The following CHSY3 variants were observed in gnomAD, a reference collection of about 807,000 sequenced individuals.
The protein encoded by CHSY3 is chondroitin sulfate synthase 3, also known as N-acetylgalactosaminyl-proteoglycan 3-beta-glucuronosyltransferase 3.
CHSY3 carries 35 observed loss-of-function variants against 67.2 expected under a neutral mutation model. That is an observed-to-expected ratio of 0.52 (90% CI 0.40 to 0.69). The LOEUF is 0.69. Ranked by LOEUF, CHSY3 falls within the 30% of genes least tolerant of loss-of-function variation. The probability of loss-of-function intolerance (pLI) is 0.00; values close to 1 mark genes in which losing one functional copy is unlikely to be tolerated. For synonymous variants in CHSY3, 474 were observed against 434.7 expected (o/e 1.09, Z -1.12); for missense variants, 1,069 against 1,138.5 (o/e 0.94, Z 0.88).
chr5:130,030,050 T>C (rs1464934321), intron 2 of CHSY3, among the ~76,000 whole-genome samples: 4 of 152,158 alleles, frequency 2.6e-5, no homozygotes, highest in Non-Finnish European at 5.9e-5. Flanking sequence ...ATTAGTTTTC[T>C]GATTTTTAAT....
chr5:130,134,386 A>G (rs1294055227), intron 2 of CHSY3, among the ~76,000 whole-genome samples: 1 of 152,214 alleles, frequency 6.6e-6, no homozygotes, highest in Non-Finnish European at 1.5e-5. Context: ...GCACACAAAA[A>G]AAGTTTAGGA....
chr5:130,143,756 A>ATG lies in CHSY3; in HGVS notation c.1087-40461_1087-40460dup, dbSNP rs1172129222. 9.7e-4 allele frequency among the ~76,000 whole-genome samples: 99 copies of ATG among 101,910 alleles called. 1 individual carries two copies. Among genetic ancestry groups the ATG allele is most frequent in the East Asian group, 2.9e-3 (7 of 2,418 alleles). 66.9% of individuals were successfully genotyped at this position (101,910 alleles called of 152,430 possible). ...TGTGTATATATATATATATATATATATGTGTGTGTGTGTATATATATATAT... is the reference window on the plus strand; with the variant it reads ...TGTGTATATATATATATATATATATATGTGTGTGTGTGTGTATATATATATAT... On this transcript the variant is annotated intron_variant, in intron 2 of 2. Transcript: ENST00000305031.
chr5:129,995,775 C>T (rs1763521047), intron 2 of CHSY3, among the ~76,000 whole-genome samples: 1 of 151,944 alleles, frequency 6.6e-6, no homozygotes, highest in South Asian at 2.1e-4. Flanking sequence ...ATACCTTAAA[C>T]AAAAAAGTAA....
chr5:129,991,954 T>C (rs897415762), intron 2 of CHSY3, among the ~76,000 whole-genome samples: 2 of 152,218 alleles, frequency 1.3e-5, no homozygotes, highest in African/African-American at 2.4e-5. Flanking sequence ...TTATAGTTTA[T>C]GGATAGGCTC....
intron 2 of CHSY3, among the ~76,000 whole-genome samples, chr5:130,050,696 G>T (rs1396859257): frequency 6.6e-6 from 1 of 152,046 alleles, no homozygotes; most frequent in Non-Finnish European, 1.5e-5. Context: ...ACCTGTCTTA[G>T]CCATCAAGGA....
At chr5:130,020,438 T>A (rs1162993796) in intron 2 of CHSY3, among the ~76,000 whole-genome samples, 4 of 4,092 alleles carry the variant, frequency 9.8e-4, no homozygotes, top group African/African-American at 2.7e-3. Flanking sequence ...TATATATATA[T>A]ATATATATAT....
chr5:129,997,925 T>C (rs911207375), intron 2 of CHSY3, among the ~76,000 whole-genome samples: 2 of 152,184 alleles, frequency 1.3e-5, no homozygotes, highest in African/African-American at 4.8e-5. Flanking sequence ...GACATTTGGG[T>C]TGGTTCCAAG....
intron 2 of CHSY3, among the ~76,000 whole-genome samples, chr5:129,999,923 CT>C (rs1018829281): frequency 2.0e-5 from 3 of 152,062 alleles, no homozygotes; most frequent in Non-Finnish European, 4.4e-5. Flanking sequence ...TAGAAACCCC[CT>C]ATTCTTCCTT....
chr5:130,023,646 G>A lies in CHSY3; in HGVS notation c.1086+115286G>A, dbSNP rs116575801. Reference sequence around the variant, plus strand: ...TTTACAGTTTTTCAGTAAAATGTGCGTAAGAAGTAAATAAAGAATACTGAA... The same window carrying A: ...TTTACAGTTTTTCAGTAAAATGTGCATAAGAAGTAAATAAAGAATACTGAA... On this transcript the variant is annotated intron_variant, in intron 2 of 2. Coordinates refer to ENST00000305031, the MANE Select transcript of CHSY3 (RefSeq NM_175856.5). 8.9e-3 allele frequency among the ~76,000 whole-genome samples: 1,358 copies of A among 152,058 alleles called. 14 individuals carry two copies. The highest frequency in any genetic ancestry group is 0.03 in the African/African-American group (1,257 of 41,512).
chr5:130,132,909 T>A (rs1768528735), intron 2 of CHSY3, among the ~76,000 whole-genome samples: 1 of 152,178 alleles, frequency 6.6e-6, no homozygotes, highest in Non-Finnish European at 1.5e-5. Context: ...ACCCTAACAC[T>A]GGCCTCACAA....
Position 130,186,236 on chromosome 5 carries a change from ACT to A in CHSY3, c.*448_*449del, listed in dbSNP as rs1425863610. On this transcript the variant is annotated 3_prime_UTR_variant, in exon 3 of 3. Transcript: ENST00000305031. ...GCTTTATGCTTCCTATGGGGAAGGG[ACT>A]CTGTAACATAAACTTGAGTTTTGTA... 3 of 152,786 alleles carry A rather than the reference ACT, an allele frequency of 2.0e-5. No homozygotes were observed. The highest frequency in any genetic ancestry group is 4.4e-5 in the Non-Finnish European group (3 of 68,092). 9.5% of individuals were successfully genotyped at this position (152,786 alleles called of 1,614,324 possible). A position where few individuals can be genotyped will look rare whatever the true frequency, so the allele number is the denominator to read the frequency against.
At chr5:130,071,082 A>C (rs1252658637) in intron 2 of CHSY3, among the ~76,000 whole-genome samples, 1 of 152,004 alleles carries the variant, frequency 6.6e-6, no homozygotes, top group Non-Finnish European at 1.5e-5. Context: ...TTTCGAGATT[A>C]TATCAGTTTA....
At chr5:129,999,199 T>C (rs1763645647) in intron 2 of CHSY3, among the ~76,000 whole-genome samples, 1 of 151,922 alleles carries the variant, frequency 6.6e-6, no homozygotes, top group Non-Finnish European at 1.5e-5. Context: ...TCTTTTTTTC[T>C]ATACGTTGAG....
chr5:129,922,633 CT>C (rs956980333), intron 2 of CHSY3, among the ~76,000 whole-genome samples: 1 of 151,322 alleles, frequency 6.6e-6, no homozygotes, highest in African/African-American at 2.4e-5. Flanking sequence ...ATTTATATGT[CT>C]TTTCAAAAAT....
At chr5:130,098,223 C>G (rs938375095) in intron 2 of CHSY3, among the ~76,000 whole-genome samples, 2 of 152,172 alleles carry the variant, frequency 1.3e-5, no homozygotes, top group Non-Finnish European at 2.9e-5. Flanking sequence ...TGCCTTACCC[C>G]CTCCTTAATC....
chr5:130,155,096 G>A (rs978002901), intron 2 of CHSY3, among the ~76,000 whole-genome samples: 1 of 152,206 alleles, frequency 6.6e-6, no homozygotes, highest in Non-Finnish European at 1.5e-5. Flanking sequence ...GGGACATACT[G>A]TAATCTGAAG....
At chr5:130,128,253 T>TGTGTGTATGTGC (rs760472284) in intron 2 of CHSY3, among the ~76,000 whole-genome samples, 1 of 150,910 alleles carries the variant, frequency 6.6e-6, no homozygotes, top group East Asian at 2.0e-4. Flanking sequence ...TGTGTGTGTG[T>TGTGTGTATGTGC]GCGCTCACAT....
intron 2 of CHSY3, among the ~76,000 whole-genome samples, chr5:129,934,399 G>A (rs1428093781): frequency 6.6e-6 from 1 of 151,938 alleles, no homozygotes; most frequent in African/African-American, 2.4e-5. Context: ...TTTTTAATGT[G>A]AGAAAATGAA....
intron 2 of CHSY3, among the ~76,000 whole-genome samples, chr5:130,047,862 A>G (rs1322466929): frequency 3.4e-5 from 5 of 147,502 alleles, no homozygotes; most frequent in African/African-American, 1.3e-4. Flanking sequence ...TTTTAATATA[A>G]CATTTCACCT....
Sources: gnomAD v4.1 joint callset for allele counts (sites outside exome capture counted in the v4.1 genomes callset) on GRCh38, gnomAD v4.1.1 for gene constraint, MANE v1.5 for transcripts, NCBI Gene and HGNC (gene_info 2026-07-23, HGNC 2026-07-21) for gene names.